The following PPP2R2B variants were observed in gnomAD, a reference collection of about 807,000 sequenced individuals.
PPP2R2B encodes serine/threonine-protein phosphatase 2A 55 kDa regulatory subunit B beta isoform.
A neutral mutation model predicts 46.0 loss-of-function variants in PPP2R2B; 5 were observed. The ratio of observed to expected loss-of-function variants is 0.11; its 90% CI spans 0.06 to 0.23. The LOEUF (loss-of-function observed/expected upper bound fraction) is 0.23, where lower values mean the gene tolerates loss of function less well. PPP2R2B is among the 10% of genes least tolerant of loss of function. The pLI is 1.00. For missense variants in PPP2R2B, 367 were observed against 575.0 expected, an observed-to-expected ratio of 0.64 and a Z score of 3.70; for synonymous variants, 215 against 206.7, an observed-to-expected ratio of 1.04 and a Z score of -0.34.
At chr5:147,053,246 A>T (rs1756917624) in intron 1 of PPP2R2B, among the ~76,000 whole-genome samples, 1 of 151,524 alleles carries the variant, frequency 6.6e-6, no homozygotes, top group African/African-American at 2.4e-5. Context: ...ACACAAAAAA[A>T]GCAAACAAAA....
chr5:147,040,447 C>A (rs935834044), intron 1 of PPP2R2B, among the ~76,000 whole-genome samples: 2 of 152,048 alleles, frequency 1.3e-5, no homozygotes, highest in African/African-American at 2.4e-5. Flanking sequence ...AGGCTGTTCC[C>A]AGCAGGTACA....
At chr5:146,759,203 G>C (rs1402273228) in intron 2 of PPP2R2B, among the ~76,000 whole-genome samples, 1 of 152,078 alleles carries the variant, frequency 6.6e-6, no homozygotes, top group Admixed American at 6.6e-5. Flanking sequence ...ATTGTTCCAG[G>C]AAGTTACATA....
At chr5:146,901,885 C>A (rs1039645263) in intron 1 of PPP2R2B, among the ~76,000 whole-genome samples, 2 of 152,204 alleles carry the variant, frequency 1.3e-5, no homozygotes, top group East Asian at 1.9e-4. Flanking sequence ...ATGCTTGGAG[C>A]GTTCAGGAAC....
chr5:146,844,924 C>T (rs2151375892), intron 2 of PPP2R2B, among the ~76,000 whole-genome samples: 1 of 152,306 alleles, frequency 6.6e-6, no homozygotes, highest in East Asian at 1.9e-4. Flanking sequence ...AAGCCCCTTC[C>T]CCTAAAGCTC....
intron 3 of PPP2R2B, among the ~76,000 whole-genome samples, chr5:146,700,131 G>A (rs1202997582): frequency 2.0e-5 from 3 of 152,108 alleles, no homozygotes; most frequent in African/African-American, 7.2e-5. Flanking sequence ...TACTGCAAGT[G>A]GCTTTGAGGC....
chr5:147,059,188 C>T (rs1294606117), upstream of PPP2R2B, among the ~76,000 whole-genome samples: 2 of 152,100 alleles, frequency 1.3e-5, no homozygotes, highest in African/African-American at 4.8e-5. Flanking sequence ...AAAAGAAAGA[C>T]TAATGAACTG....
chr5:146,676,923 C>T lies in PPP2R2B; in HGVS notation c.447+14205G>A, dbSNP rs188156440. ...GCATATCTAATTGGGACTGGTGTGG[C>T]GGTCACCTCTGAGTCCATCTGCGTA... is the stretch of plus-strand genomic sequence containing the variant. On this transcript the variant is annotated intron_variant, in intron 5 of 9. Transcript: ENST00000394411. Among the ~76,000 whole-genome samples, 25 of 152,222 alleles carry T rather than the reference C, an allele frequency of 1.6e-4. 1 individual carries two copies. The South Asian group carries it at 4.2e-3, about 25-fold the overall frequency.
At chr5:146,658,516 A>G (rs1776483918) in intron 5 of PPP2R2B, among the ~76,000 whole-genome samples, 1 of 152,200 alleles carries the variant, frequency 6.6e-6, no homozygotes, top group Admixed American at 6.5e-5. Context: ...AGTGGTACAG[A>G]GCAGCCGTCT....
intron 2 of PPP2R2B, among the ~76,000 whole-genome samples, chr5:146,741,869 C>T (rs1320897887): frequency 2.0e-5 from 3 of 152,150 alleles, no homozygotes; most frequent in Non-Finnish European, 4.4e-5. Context: ...TTTGACAGAT[C>T]GATATTAGCC....
intron 1 of PPP2R2B, among the ~76,000 whole-genome samples, chr5:146,942,944 C>T (rs1298892845): frequency 6.6e-6 from 1 of 151,970 alleles, no homozygotes; most frequent in Non-Finnish European, 1.5e-5. Flanking sequence ...ACTACAGGTG[C>T]CCGCCACCAC....
intron 1 of PPP2R2B, among the ~76,000 whole-genome samples, chr5:146,897,184 A>G (rs1762672812): frequency 1.3e-5 from 2 of 152,188 alleles, no homozygotes; most frequent in African/African-American, 4.8e-5. Context: ...GATTGAGGGC[A>G]CAGCCAAGGA....
At chr5:146,923,872 G>A (rs1408900556) in intron 1 of PPP2R2B, among the ~76,000 whole-genome samples, 3 of 152,136 alleles carry the variant, frequency 2.0e-5, no homozygotes, top group South Asian at 2.1e-4. Flanking sequence ...CATATACACC[G>A]TGGACTACTA....
intron 1 of PPP2R2B, among the ~76,000 whole-genome samples, chr5:146,931,140 G>C (rs1386272468): frequency 6.6e-6 from 1 of 152,056 alleles, no homozygotes; most frequent in Non-Finnish European, 1.5e-5. Flanking sequence ...CTCAACTATA[G>C]TTGAAAGGAG....
Position 146,638,256 on chromosome 5 carries a change from G to T in PPP2R2B, c.785C>A (p.Thr262Asn), listed in dbSNP as rs1175107881. 1 of 1,612,914 alleles carries T rather than the reference G, an allele frequency of 6.2e-7. No homozygotes were observed. Among genetic ancestry groups the T allele is most frequent in the Non-Finnish European group, 8.5e-7 (1 of 1,179,168 alleles). Residue 262 changes from threonine (T) to asparagine (N), a missense_variant, in exon 7 of 10, where the codon ACC becomes AAC. Thr to Asn is a moderately conservative substitution (Grantham distance 65). Transcript: ENST00000394411. ...MRASALCDRH[T>N]KFFEEPEDPS... ...TCCCTTCAGTTGCTACTCACATTTG[G>T]TGTGCCTGTCACACAGGGCAGATGC...
chr5:146,821,702 TAACA>T (rs1758270889), intron 2 of PPP2R2B, among the ~76,000 whole-genome samples: 2 of 151,684 alleles, frequency 1.3e-5, no homozygotes, highest in South Asian at 4.2e-4. Flanking sequence ...AAATTCTAAC[TAACA>T]CTCAGTTAAG....
chr5:146,733,907 A>G lies in PPP2R2B; in HGVS notation c.71-32765T>C, dbSNP rs75353257. 7.2e-3 allele frequency among the ~76,000 whole-genome samples: 1,099 copies of G among 152,290 alleles called. 14 individuals carry two copies. The highest frequency in any genetic ancestry group is 0.025 in the African/African-American group (1,050 of 41,546). ...GTAGTGGTGGTGGTAGTAATAGTAG[A>G]CAATAATAACGGCAGTAGTAGCAGT... is the stretch of plus-strand genomic sequence containing the variant. On this transcript the variant is annotated intron_variant, in intron 2 of 9. Transcript: ENST00000394411.
At chr5:146,680,949 C>T (rs981931745) in intron 5 of PPP2R2B, among the ~76,000 whole-genome samples, 1 of 152,170 alleles carries the variant, frequency 6.6e-6, no homozygotes, top group African/African-American at 2.4e-5. Context: ...TTTCTCCAAC[C>T]AAGATCTTGT....
intron 5 of PPP2R2B, among the ~76,000 whole-genome samples, chr5:146,671,645 G>A (rs185658041): frequency 3.2e-4 from 48 of 152,250 alleles, no homozygotes; most frequent in Non-Finnish European, 5.3e-4. Flanking sequence ...TATAAGTGAC[G>A]GCTGACTTCA....
intron 6 of PPP2R2B, among the ~76,000 whole-genome samples, chr5:146,650,186 T>C (rs920404648): frequency 2.6e-5 from 4 of 152,196 alleles, no homozygotes; most frequent in African/African-American, 4.8e-5. Flanking sequence ...CTGTGGTCCA[T>C]GCTGTCCATA....
Sources: allele counts gnomAD v4.1 joint callset (sites outside exome capture counted in the v4.1 genomes callset), GRCh38; gene constraint gnomAD v4.1.1; transcripts MANE v1.5; gene names NCBI Gene and HGNC (gene_info 2026-07-23, HGNC 2026-07-21).